CTNNA2: variants seen among roughly 807,000 people sequenced by gnomAD.
CTNNA2 encodes the protein catenin alpha 2.
A neutral mutation model predicts 101.0 loss-of-function variants in CTNNA2; 42 were observed. The observed-to-expected ratio is 0.42, with a 90% CI of 0.32 to 0.54. The LOEUF (loss-of-function observed/expected upper bound fraction) is 0.54. CTNNA2 is among the 20% of genes least tolerant of loss of function. The pLI is 0.14. For missense variants in CTNNA2, 871 were observed against 1,223.1 expected (o/e 0.71, Z 4.29); for synonymous variants, 450 against 456.4 (o/e 0.99, Z 0.18).
chr2:80,216,907 G>A (rs552372283), intron 7 of CTNNA2, among the ~76,000 whole-genome samples: 71 of 148,974 alleles, frequency 4.8e-4, no homozygotes, highest in Non-Finnish European at 8.6e-4. Context: ...CCACAACCTC[G>A]GCTTACTGCA....
chr2:80,536,167 A>G (rs1289239949), intron 9 of CTNNA2, among the ~76,000 whole-genome samples: 1 of 152,220 alleles, frequency 6.6e-6, no homozygotes, highest in Non-Finnish European at 1.5e-5. Flanking sequence ...ATATGTTAAC[A>G]TCTTCGTGTG....
At chr2:80,636,168 A>G (rs1672859654) in intron 18 of CTNNA2, among the ~76,000 whole-genome samples, 2 of 151,982 alleles carry the variant, frequency 1.3e-5, no homozygotes, top group African/African-American at 4.8e-5. Context: ...TGTTGTACTT[A>G]TGTTCTGGAA....
At chr2:79,664,579 A>G (rs1448673721) in intron 2 of CTNNA2, among the ~76,000 whole-genome samples, 2 of 152,136 alleles carry the variant, frequency 1.3e-5, no homozygotes, top group Admixed American at 6.5e-5. Context: ...TAATAAGCCA[A>G]TGTGTTGTAT....
At chr2:80,413,185 A>T (rs1042863918) in intron 8 of CTNNA2, among the ~76,000 whole-genome samples, 7 of 152,196 alleles carry the variant, frequency 4.6e-5, no homozygotes, top group Admixed American at 4.6e-4. Flanking sequence ...CTCCATTATA[A>T]GTGTTGCTAA....
At chr2:79,322,559 C>T (rs2861786) in intron 3 of CTNNA2, among the ~76,000 whole-genome samples, 39,007 of 152,070 alleles carry the variant, frequency 0.26, 5,263 homozygotes, top group Middle Eastern at 0.37. Flanking sequence ...TATGATACAT[C>T]TGCTGGTTGA....
chr2:80,229,394 C>A (rs1709065946), intron 7 of CTNNA2, among the ~76,000 whole-genome samples: 2 of 151,434 alleles, frequency 1.3e-5, no homozygotes, highest in Non-Finnish European at 2.9e-5. Flanking sequence ...TAATCTTCTC[C>A]CCAGGTTTAA....
At chr2:79,616,436 A>T (rs561571503) in intron 1 of CTNNA2, among the ~76,000 whole-genome samples, 16 of 152,236 alleles carry the variant, frequency 1.1e-4, no homozygotes, top group Non-Finnish European at 1.3e-4. Flanking sequence ...AAAGAATGTT[A>T]GTCTTGTTTA....
chr2:80,214,234 T>C (rs1177899694), intron 7 of CTNNA2, among the ~76,000 whole-genome samples: 1 of 152,166 alleles, frequency 6.6e-6, no homozygotes, highest in Non-Finnish European at 1.5e-5. Context: ...TATTGTTATG[T>C]GTGAATGTGA....
intron 9 of CTNNA2, among the ~76,000 whole-genome samples, chr2:80,445,660 C>T (rs1469950961): frequency 6.6e-6 from 1 of 152,160 alleles, no homozygotes; most frequent in Non-Finnish European, 1.5e-5. Context: ...TGATTTTTAA[C>T]AAGCTCCTAA....
intron 7 of CTNNA2, among the ~76,000 whole-genome samples, chr2:80,009,379 A>G (rs1196536670): frequency 6.6e-6 from 1 of 152,064 alleles, no homozygotes; most frequent in Non-Finnish European, 1.5e-5. Context: ...TATATTTTTT[A>G]CAGTTGGAGT....
chr2:80,561,675 T>A (rs1693605099), intron 12 of CTNNA2, among the ~76,000 whole-genome samples: 1 of 152,102 alleles, frequency 6.6e-6, no homozygotes, highest in African/African-American at 2.4e-5. Flanking sequence ...CCTCTCTCTT[T>A]TTTTGAGATG....
At chr2:79,739,578 G>T (rs936641246) in intron 2 of CTNNA2, among the ~76,000 whole-genome samples, 1 of 152,268 alleles carries the variant, frequency 6.6e-6, no homozygotes, top group Admixed American at 6.5e-5. Flanking sequence ...AGATTTAGGG[G>T]GTACAAGTGC....
intron 18 of CTNNA2, among the ~76,000 whole-genome samples, 185 bp from the exon 19 acceptor site, chr2:80,647,400 A>G (rs143102082): frequency 6.6e-6 from 1 of 152,228 alleles, no homozygotes; most frequent in Non-Finnish European, 1.5e-5. Flanking sequence ...ACCTGCTAAG[A>G]TGAGGGCTTT....
At chr2:79,646,703 T>C (rs1680849133) in intron 1 of CTNNA2, among the ~76,000 whole-genome samples, 1 of 151,996 alleles carries the variant, frequency 6.6e-6, no homozygotes, top group Admixed American at 6.6e-5. Flanking sequence ...CTAATTTTTG[T>C]ATTTTTTGTA....
chr2:79,341,749 C>G (rs1399032354), intron 3 of CTNNA2, among the ~76,000 whole-genome samples: 3 of 152,332 alleles, frequency 2.0e-5, no homozygotes, highest in African/African-American at 7.2e-5. Context: ...CAGGGTTTCT[C>G]TCCCATAATA....
chr2:80,231,293 T>C (rs1027766501), intron 7 of CTNNA2, among the ~76,000 whole-genome samples: 2 of 152,138 alleles, frequency 1.3e-5, no homozygotes, highest in Non-Finnish European at 1.5e-5. Flanking sequence ...GGCCTGTTCC[T>C]GGTGTTTGAA....
intron 1 of CTNNA2, among the ~76,000 whole-genome samples, chr2:79,197,108 A>T (rs1037000841): frequency 1.3e-5 from 2 of 152,208 alleles, no homozygotes; most frequent in African/African-American, 4.8e-5. Context: ...AAGTGCTGAA[A>T]ATTACAATAT....
Position 80,498,020 on chromosome 2 carries a change from A to G in CTNNA2, c.1291-46962A>G, listed in dbSNP as rs188224771. The stretch of plus-strand genomic sequence containing the variant: ...TGTGAGATAATAAACGTGGGTTGCT[A>G]TAAGTCCCTATATTTCTATTTATTT... On this transcript the variant is annotated intron_variant, in intron 9 of 18. Coordinates refer to ENST00000402739, the MANE Select transcript of CTNNA2 (RefSeq NM_001282597.3). Among the ~76,000 whole-genome samples, 595 of 152,338 alleles carry G rather than the reference A, an allele frequency of 3.9e-3. 3 individuals are homozygous for G. The highest frequency in any genetic ancestry group is 3.8e-3 in the Non-Finnish European group (261 of 68,036).
chr2:80,224,842 T>TG (rs940798157), intron 7 of CTNNA2, among the ~76,000 whole-genome samples: 25 of 151,974 alleles, frequency 1.6e-4, no homozygotes, highest in African/African-American at 6.0e-4. Context: ...TATACAGCTT[T>TG]TTTTTTCTTT....
Sources: gnomAD v4.1 joint callset for allele counts (sites outside exome capture counted in the v4.1 genomes callset) on GRCh38, gnomAD v4.1.1 for gene constraint, MANE v1.5 for transcripts, NCBI Gene and HGNC (gene_info 2026-07-23, HGNC 2026-07-21) for gene names.